The following WNT3A variants were observed in gnomAD, a reference collection of about 807,000 sequenced individuals.
WNT3A encodes protein Wnt-3a.
WNT3A carries 17 observed loss-of-function variants against 37.0 expected under a neutral mutation model. That is an observed-to-expected ratio of 0.46 (90% CI 0.31 to 0.69). The LOEUF (loss-of-function observed/expected upper bound fraction) is 0.69. Ranked by LOEUF, WNT3A falls within the 30% of genes least tolerant of loss-of-function variation. The probability of loss-of-function intolerance (pLI) is 0.05; values close to 1 mark genes in which losing one functional copy is unlikely to be tolerated. For missense variants in WNT3A, 411 were observed against 510.2 expected (o/e 0.81, Z 1.87); for synonymous variants, 187 against 211.0 (o/e 0.89, Z 0.99).
intron 1 of WNT3A, among the ~76,000 whole-genome samples, chr1:228,012,272 G>C (rs961591168): frequency 3.9e-5 from 6 of 152,206 alleles, no homozygotes; most frequent in Admixed American, 3.9e-4. Flanking sequence ...TCCATCCAGG[G>C]ACCCCGTTGG....
chr1:228,050,917 G>T lies in WNT3A; in HGVS notation c.575G>T (p.Arg192Leu), dbSNP rs746228586. The T allele has an allele frequency of 6.5e-7, 1 of 1,536,238 alleles. No individual in the cohort carries two copies. Among genetic ancestry groups the T allele is most frequent in the East Asian group, 2.3e-5 (1 of 43,952 alleles). The change falls in exon 3 of 4, where the codon CGC becomes CTC. Residue 192 changes from arginine (R) to leucine (L), a missense_variant. Arg to Leu is a moderately radical substitution (Grantham distance 102). Coordinates refer to ENST00000284523, the MANE Select transcript of WNT3A (RefSeq NM_033131.4). The surrounding 1 kb of genome is among the most constrained non-coding windows in gnomAD (Gnocchi z 5.0). ...AMNRHNNEAG[R>L]QAIASHMHLK... Reference sequence around the variant, plus strand: ...AACCGCCACAACAACGAGGCTGGGCGCCAGGTAGGTTCGCCGCCCGCAAGG... The same window carrying T: ...AACCGCCACAACAACGAGGCTGGGCTCCAGGTAGGTTCGCCGCCCGCAAGG...
chr1:228,059,873 T>G lies in WNT3A; in HGVS notation c.*408T>G, dbSNP rs1451783355. 25 of 1,047,722 alleles carry G rather than the reference T, an allele frequency of 2.4e-5. No individual in the cohort carries two copies. The highest frequency in any genetic ancestry group is 2.6e-5 in the Non-Finnish European group (23 of 870,770). 64.9% of individuals were successfully genotyped at this position (1,047,722 alleles called of 1,614,324 possible). On this transcript the variant is annotated 3_prime_UTR_variant, in exon 4 of 4. Transcript: ENST00000284523. The stretch of plus-strand genomic sequence containing the variant: ...GGGTGGGCGGGGCACTAGGTAGGCT[T>G]CTACCTGCAGGCGGGGCTCCTCCTG...
intron 2 of WNT3A, among the ~76,000 whole-genome samples, chr1:228,046,374 T>C (rs1350137337): frequency 6.6e-6 from 1 of 151,540 alleles, no homozygotes; most frequent in African/African-American, 2.4e-5. Context: ...TGTGAATGTA[T>C]ATGTGCATCC....
chr1:228,030,808 G>A (rs1255397579), intron 2 of WNT3A, among the ~76,000 whole-genome samples: 3 of 152,242 alleles, frequency 2.0e-5, no homozygotes, highest in Middle Eastern at 3.4e-3. Context: ...TGTCCCCCAC[G>A]CTTGCTCCTA....
intron 1 of WNT3A, 149 bp from the exon 2 acceptor site, chr1:228,022,518 T>C: frequency 9.4e-7 from 1 of 1,065,212 alleles, no homozygotes; most frequent in Non-Finnish European, 1.3e-6. Flanking sequence ...TTCTCTTACT[T>C]GCAAAATAAA....
At chr1:228,052,679 G>A (rs547823671) in intron 3 of WNT3A, among the ~76,000 whole-genome samples, 1 of 152,182 alleles carries the variant, frequency 6.6e-6, no homozygotes, top group Non-Finnish European at 1.5e-5. Context: ...GTGAACAGGG[G>A]ATATTCACCT....
chr1:228,038,953 T>C lies in WNT3A; in HGVS notation c.314-11703T>C, dbSNP rs977736387. Among the ~76,000 whole-genome samples, 5 of 151,846 alleles carry C rather than the reference T, an allele frequency of 3.3e-5. No homozygotes were observed. Among genetic ancestry groups the C allele is most frequent in the African/African-American group, 1.2e-4 (5 of 41,392 alleles). Reference sequence around the variant, plus strand: ...GGGCATTTTTTTGTCACAGTGGAGGTGAGAACTTCCCGGTGGAGATTCAGC... The same window carrying C: ...GGGCATTTTTTTGTCACAGTGGAGGCGAGAACTTCCCGGTGGAGATTCAGC... On this transcript the variant is annotated intron_variant, in intron 2 of 3. Coordinates refer to ENST00000284523, the MANE Select transcript of WNT3A (RefSeq NM_033131.4). The surrounding 1 kb of genome is among the most constrained non-coding windows in gnomAD (Gnocchi z 5.7).
chr1:228,007,195 T>G lies in WNT3A; in HGVS notation c.67T>G (p.Trp23Gly). The G allele has an allele frequency of 6.2e-7, 1 of 1,601,952 alleles. No homozygotes were observed. The highest frequency in any genetic ancestry group is 8.5e-7 in the Non-Finnish European group (1 of 1,174,494). ...GCAGGCTCTGGGCAGCTACCCGATC[T>G]GGTGGTGAGTGAGCCTCCTCGCGTT... The part of the protein sequence containing the change: ...LKQALGSYPI[W>G]WSLAVGPQYS... The change falls in exon 1 of 4, where the codon TGG (tryptophan) becomes GGG (glycine). Residue 23 changes from tryptophan to glycine, a missense_variant. Physicochemically the swap from Trp to Gly is radical, Grantham distance 184. Transcript: ENST00000284523. This position sits in a 1 kb window ranked among gnomAD's most constrained non-coding sequence, Gnocchi z 6.0.
intron 2 of WNT3A, among the ~76,000 whole-genome samples, chr1:228,032,432 G>A (rs888539685): frequency 1.3e-5 from 2 of 152,174 alleles, no homozygotes; most frequent in Non-Finnish European, 2.9e-5. Context: ...TCCTAAACCT[G>A]ATGGCAACTC....
chr1:228,040,971 T>TTATATATATATA (rs4065965), intron 2 of WNT3A, among the ~76,000 whole-genome samples: 16 of 138,144 alleles, frequency 1.2e-4, no homozygotes, highest in Admixed American at 3.6e-4. Flanking sequence ...GGTAGATATT[T>TTATATATATATA]TATATATATA....
intron 1 of WNT3A, among the ~76,000 whole-genome samples, chr1:228,009,120 C>A (rs1402878914): frequency 1.3e-5 from 2 of 152,110 alleles, no homozygotes; most frequent in Admixed American, 6.5e-5. Context: ...CCATCCCCAC[C>A]ACCACTTTGT....
intron 2 of WNT3A, among the ~76,000 whole-genome samples, chr1:228,049,383 T>C (rs1209503736): frequency 6.6e-6 from 1 of 152,236 alleles, no homozygotes; most frequent in Non-Finnish European, 1.5e-5. Flanking sequence ...CTATTTTTCT[T>C]GTTATTCCTA....
Position 228,007,158 on chromosome 1 carries a change from C to A in WNT3A, c.30C>A (p.Leu10=), listed in dbSNP as rs1268198690. ...CCCCACTCGGATACTTCTTACTCCT[C>A]TGCAGCCTGAAGCAGGCTCTGGGCA... MAPLGYFLL[L]CSLKQALGSY... is the part of the protein sequence containing the mutation. Residue 10 remains leucine (L), a synonymous_variant, in exon 1 of 4, where the codon CTC becomes CTA. Transcript: ENST00000284523. The surrounding 1 kb of genome is among the most constrained non-coding windows in gnomAD (Gnocchi z 6.0). The A allele has an allele frequency of 6.2e-7, 1 of 1,604,172 alleles. No homozygotes were observed. Among genetic ancestry groups the A allele is most frequent in the Non-Finnish European group, 8.5e-7 (1 of 1,175,578 alleles).
intron 2 of WNT3A, among the ~76,000 whole-genome samples, chr1:228,033,516 T>C (rs1379386821): frequency 6.6e-6 from 1 of 152,244 alleles, no homozygotes; most frequent in Admixed American, 6.5e-5. Context: ...TTCTATTCCA[T>C]TGTTCCATAT....
intron 3 of WNT3A, 103 bp downstream of exon 3, chr1:228,051,024 G>T: frequency 7.2e-7 from 1 of 1,383,204 alleles, no homozygotes; most frequent in Non-Finnish European, 9.5e-7. Context: ...CAGGATGGTG[G>T]CCAGGCTGAG....
At chr1:228,058,944 C>G in intron 3 of WNT3A, 42 bp from the exon 4 acceptor site, 1 of 1,557,258 alleles carries the variant, frequency 6.4e-7, no homozygotes, top group Non-Finnish European at 8.7e-7. Flanking sequence ...GGAGACGCAC[C>G]AGGGGGCCGC....
At chr1:228,014,248 C>T (rs929050660) in intron 1 of WNT3A, among the ~76,000 whole-genome samples, 24 of 152,278 alleles carry the variant, frequency 1.6e-4, no homozygotes, top group African/African-American at 5.8e-4. Context: ...GTCCATTACC[C>T]CATTTGACAG....
chr1:228,050,816 C>T lies in WNT3A; in HGVS notation c.474C>T (p.Asp158=). ...KGWKWGGCSE[D]IEFGGMVSRE... ...GGAAGTGGGGTGGCTGTAGCGAGGA[C>T]ATCGAGTTTGGTGGGATGGTGTCTC... Residue 158 remains aspartate (D), a synonymous_variant, in exon 3 of 4, where the codon GAC becomes GAT. Transcript: ENST00000284523. This position sits in a 1 kb window ranked among gnomAD's most constrained non-coding sequence, Gnocchi z 5.0. 1 of 1,613,120 alleles carries T rather than the reference C, an allele frequency of 6.2e-7. No homozygotes were observed. Among genetic ancestry groups the T allele is most frequent in the African/African-American group, 1.3e-5 (1 of 74,988 alleles).
intron 2 of WNT3A, among the ~76,000 whole-genome samples, chr1:228,045,966 C>G (rs1432769991): frequency 6.6e-6 from 1 of 152,188 alleles, no homozygotes; most frequent in Non-Finnish European, 1.5e-5. Flanking sequence ...GCAGCCGCGG[C>G]TAGGGAGGGA....
Sources: gnomAD v4.1 joint callset for allele counts (sites outside exome capture counted in the v4.1 genomes callset) on GRCh38, gnomAD v4.1.1 for gene constraint, Gnocchi (gnomAD v3.1) non-coding constraint, MANE v1.5 for transcripts, NCBI Gene and HGNC (gene_info 2026-07-23, HGNC 2026-07-21) for gene names.